The following RAB39A variants were observed in gnomAD, a reference collection of about 807,000 sequenced individuals.
RAB39A encodes RAB39A, member RAS oncogene family.
In RAB39A, 17 loss-of-function variants were observed where a neutral mutation model predicts 20.9. That is an observed-to-expected ratio of 0.81 (90% CI 0.56 to 1.22). The LOEUF is 1.22. Among genes scored for constraint, RAB39A ranks in the 50% most tolerant of loss-of-function variants. The probability of loss-of-function intolerance (pLI) is 0.00; values close to 1 mark genes in which losing one functional copy is unlikely to be tolerated. For missense variants in RAB39A, 234 were observed against 270.5 expected, an observed-to-expected ratio of 0.87 and a Z score of 0.95; for synonymous variants, 99 against 103.4, an observed-to-expected ratio of 0.96 and a Z score of 0.26.
chr11:107,957,769 C>T (rs1463142324), intron 1 of RAB39A, among the ~76,000 whole-genome samples: 1 of 152,134 alleles, frequency 6.6e-6, no homozygotes, highest in Non-Finnish European at 1.5e-5. Context: ...CACACCAGAC[C>T]AGATTAGAAT....
intron 1 of RAB39A, among the ~76,000 whole-genome samples, chr11:107,958,523 G>C (rs1273676174): frequency 6.6e-6 from 1 of 152,154 alleles, no homozygotes; most frequent in Non-Finnish European, 1.5e-5. Flanking sequence ...GTGCCCAATT[G>C]TTTTAGGAAA....
intron 1 of RAB39A, among the ~76,000 whole-genome samples, chr11:107,933,681 T>C (rs1861164079): frequency 6.9e-6 from 1 of 145,542 alleles, no homozygotes; most frequent in Non-Finnish European, 1.5e-5. Flanking sequence ...CTGTGATTCT[T>C]TTTTTTTTTT....
At chr11:107,950,923 G>C (rs1261609895) in intron 1 of RAB39A, among the ~76,000 whole-genome samples, 1 of 152,022 alleles carries the variant, frequency 6.6e-6, no homozygotes, top group Non-Finnish European at 1.5e-5. Context: ...AGAGTCCTAG[G>C]GATGGTAAGA....
chr11:107,942,126 G>T (rs1394102182), intron 1 of RAB39A, among the ~76,000 whole-genome samples: 2 of 143,264 alleles, frequency 1.4e-5, no homozygotes, highest in African/African-American at 2.6e-5. Flanking sequence ...AAAAAAGACT[G>T]ACATTTGATA....
intron 1 of RAB39A, among the ~76,000 whole-genome samples, chr11:107,933,115 G>T (rs910569148): frequency 6.6e-6 from 1 of 152,012 alleles, no homozygotes; most frequent in African/African-American, 2.4e-5. Flanking sequence ...CATAAAAAGC[G>T]TTTAAAGTTA....
Position 107,962,010 on chromosome 11 carries a change from C to A in RAB39A, c.292C>A (p.Arg98=). Residue 98 remains arginine, a synonymous_variant, in exon 2 of 2, where the codon CGA becomes AGA. Transcript: ENST00000320578. ...GGFLVFDITN[R]RSFEHVKDWL... ...ATTTTTAGTATTTGACATTACTAAC[C>A]GACGATCTTTTGAACATGTGAAAGA... is the stretch of plus-strand genomic sequence containing the variant. The A allele has an allele frequency of 6.2e-7, 1 of 1,613,776 alleles. No homozygotes were observed. Among genetic ancestry groups the A allele is most frequent in the South Asian group, 1.1e-5 (1 of 91,050 alleles).
At chr11:107,941,484 A>C (rs1861258185) in intron 1 of RAB39A, among the ~76,000 whole-genome samples, 1 of 152,088 alleles carries the variant, frequency 6.6e-6, no homozygotes, top group Non-Finnish European at 1.5e-5. Context: ...TAAATACTTG[A>C]TTACTATATT....
At chr11:107,956,319 G>A (rs768219291) in intron 1 of RAB39A, among the ~76,000 whole-genome samples, 1 of 152,106 alleles carries the variant, frequency 6.6e-6, no homozygotes, top group Non-Finnish European at 1.5e-5. Flanking sequence ...TATGTGCTAG[G>A]TACTTGAAAA....
At chr11:107,946,343 C>CACACAT (rs1237320187) in intron 1 of RAB39A, among the ~76,000 whole-genome samples, 3 of 118,434 alleles carry the variant, frequency 2.5e-5, no homozygotes, top group African/African-American at 9.7e-5. Context: ...CACACACACA[C>CACACAT]ATATATATAC....
rs1292887376 is a variant in RAB39A at position 107,928,493 on chromosome 11, T to A, written c.-76T>A. On this transcript the variant is annotated 5_prime_UTR_variant, in exon 1 of 2. Transcript: ENST00000320578. This position sits in a 1 kb window ranked among gnomAD's most constrained non-coding sequence, Gnocchi z 4.9. Reference sequence around the variant, plus strand: ...AGGCGGCGGGCGGGCGCCCGCGAGGTGCTGAAAGGACAGTTCCCGCCGCCG... The same window carrying A: ...AGGCGGCGGGCGGGCGCCCGCGAGGAGCTGAAAGGACAGTTCCCGCCGCCG... 2.6e-6 allele frequency: 3 copies of A among 1,147,010 alleles called. No individual in the cohort carries two copies. In the Admixed American group the frequency reaches 1.0e-4, roughly 39 times the overall value. The allele number at this position is 1,147,010 out of a possible 1,614,324, so 71.1% of individuals were successfully genotyped here. A position where few individuals can be genotyped will look rare whatever the true frequency, so the allele number is the denominator to read the frequency against.
intron 1 of RAB39A, among the ~76,000 whole-genome samples, chr11:107,939,450 CAAAA>C (rs56700827): frequency 3.5e-5 from 4 of 114,136 alleles, no homozygotes; most frequent in African/African-American, 1.3e-4. Context: ...ACTAAAAATA[CAAAA>C]AAAAAAAAAA....
chr11:107,940,478 G>A (rs1861247921), intron 1 of RAB39A, among the ~76,000 whole-genome samples: 1 of 151,800 alleles, frequency 6.6e-6, no homozygotes, highest in Non-Finnish European at 1.5e-5. Context: ...TGGCCCGGCT[G>A]GTCTTAAACT....
At chr11:107,953,450 C>T (rs1233875242) in intron 1 of RAB39A, among the ~76,000 whole-genome samples, 2 of 152,110 alleles carry the variant, frequency 1.3e-5, no homozygotes, top group African/African-American at 4.8e-5. Context: ...GGAGTCTGGG[C>T]AGTAGGAACT....
At chr11:107,936,604 G>C (rs1465764654) in intron 1 of RAB39A, among the ~76,000 whole-genome samples, 1 of 152,086 alleles carries the variant, frequency 6.6e-6, no homozygotes, top group Admixed American at 6.6e-5. Flanking sequence ...AACTAAATTA[G>C]TTATTTTTGG....
intron 1 of RAB39A, among the ~76,000 whole-genome samples, chr11:107,950,285 A>G (rs1861364315): frequency 6.6e-6 from 1 of 152,118 alleles, no homozygotes; most frequent in Admixed American, 6.5e-5. Flanking sequence ...TCCCTACTGT[A>G]AATATTGAAA....
intron 1 of RAB39A, among the ~76,000 whole-genome samples, chr11:107,940,392 T>A (rs1861247074): frequency 1.3e-5 from 2 of 151,872 alleles, no homozygotes; most frequent in African/African-American, 2.4e-5. Flanking sequence ...GCCTCCCGAG[T>A]AGCTGGGACT....
At chr11:107,935,227 T>A (rs543440721) in intron 1 of RAB39A, among the ~76,000 whole-genome samples, 2 of 152,216 alleles carry the variant, frequency 1.3e-5, no homozygotes, top group South Asian at 4.1e-4. Flanking sequence ...AGTAAAGTGG[T>A]GAAAGAACAG....
chr11:107,933,729 C>G (rs976480332), intron 1 of RAB39A, among the ~76,000 whole-genome samples: 1 of 147,408 alleles, frequency 6.8e-6, no homozygotes, highest in Admixed American at 7.0e-5. Flanking sequence ...GGCGCAATCT[C>G]GGCTCACTGC....
chr11:107,939,243 CAA>C (rs138488479), intron 1 of RAB39A, among the ~76,000 whole-genome samples: 23 of 68,562 alleles, frequency 3.4e-4, no homozygotes, highest in South Asian at 5.8e-4. Flanking sequence ...GACTCTGTCT[CAA>C]AAAAAAAAAA....
Sources: allele counts gnomAD v4.1 joint callset (sites outside exome capture counted in the v4.1 genomes callset), GRCh38; gene constraint gnomAD v4.1.1; non-coding constraint Gnocchi (gnomAD v3.1); transcripts MANE v1.5; gene names NCBI Gene and HGNC (gene_info 2026-07-23, HGNC 2026-07-21).